Variants in ABCA13 observed in about 807,000 individuals in gnomAD.
The protein encoded by ABCA13 is ATP-binding cassette sub-family A member 13.
ABCA13 carries 476 observed loss-of-function variants against 478.7 expected under a neutral mutation model. The ratio of observed to expected loss-of-function variants is 0.99; its 90% CI spans 0.92 to 1.07. ABCA13 has a LOEUF of 1.07. Among genes scored for constraint, ABCA13 ranks in the 50% least tolerant of loss-of-function variants. ABCA13 has a pLI of 0.00. For missense variants in ABCA13, 6,060 were observed against 5,910.6 expected (o/e 1.03, Z -0.83); for synonymous variants, 2,252 against 2,158.9 (o/e 1.04, Z -1.20).
At position 48,403,853 on chromosome 7, in the gene ABCA13, G is replaced by A. The variant is rs1563195813; in HGVS notation, c.12044G>A (p.Trp4015Ter). 1 of 1,613,264 alleles carries A rather than the reference G, an allele frequency of 6.2e-7. No homozygotes were observed. The change falls in exon 39 of 62, where the codon TGG (tryptophan) becomes TAG (stop). Residue 4015 changes from tryptophan to a stop codon, truncating the protein, a stop_gained. Transcript: ENST00000435803. LOFTEE classifies it high-confidence loss of function. ...GVDPCSRHSL[W>*]DILLKYREGR... is the part of the protein sequence containing the mutation. ...GACCCTTGCTCCCGGCATAGCCTGT[G>A]GGACATTCTGCTCAAGTACCGAGAA...
chr7:48,445,935 G>A (rs1313021520), intron 42 of ABCA13, among the ~76,000 whole-genome samples: 1 of 152,034 alleles, frequency 6.6e-6, no homozygotes, highest in African/African-American at 2.4e-5. Flanking sequence ...TTCTACTCTA[G>A]GGCTTCTGGA....
intron 60 of ABCA13, 52 bp downstream of exon 60, chr7:48,643,445 T>C (rs1795244541): frequency 1.4e-6 from 2 of 1,407,742 alleles, no homozygotes; most frequent in South Asian, 1.2e-5. Flanking sequence ...AAAAAAATAA[T>C]AAATGTACCT....
At chr7:48,577,351 A>G (rs894091528) in intron 55 of ABCA13, among the ~76,000 whole-genome samples, 2 of 152,160 alleles carry the variant, frequency 1.3e-5, no homozygotes, top group African/African-American at 2.4e-5. Flanking sequence ...TAGTGAGATT[A>G]TCCATGAAAA....
At chr7:48,247,281 G>A (rs1457242257) in intron 13 of ABCA13, among the ~76,000 whole-genome samples, 2 of 151,962 alleles carry the variant, frequency 1.3e-5, no homozygotes, top group East Asian at 3.9e-4. Context: ...GTATGTGAAT[G>A]CATGCAGGCA....
intron 29 of ABCA13, among the ~76,000 whole-genome samples, chr7:48,349,655 G>A (rs987518559): frequency 1.3e-5 from 2 of 152,212 alleles, no homozygotes; most frequent in African/African-American, 4.8e-5. Context: ...AGGGAAACCA[G>A]TAGAGGAGGG....
At chr7:48,413,380 T>C (rs1047593347) in intron 41 of ABCA13, among the ~76,000 whole-genome samples, 7 of 152,158 alleles carry the variant, frequency 4.6e-5, no homozygotes, top group African/African-American at 1.7e-4. Context: ...ATGAGACCAC[T>C]CCATGTGGGT....
At chr7:48,574,764 A>G (rs1275688514) in intron 55 of ABCA13, among the ~76,000 whole-genome samples, 1 of 152,116 alleles carries the variant, frequency 6.6e-6, no homozygotes. Context: ...TGTGTGACTA[A>G]TATTTCGAGG....
intron 1 of ABCA13, among the ~76,000 whole-genome samples, chr7:48,190,068 A>G (rs1270249417): frequency 6.6e-6 from 1 of 152,214 alleles, no homozygotes; most frequent in Admixed American, 6.5e-5. Flanking sequence ...TCAGCTTGAC[A>G]AAAAATTAAG....
At chr7:48,405,343 C>G (rs185427837) in intron 39 of ABCA13, among the ~76,000 whole-genome samples, 4 of 152,216 alleles carry the variant, frequency 2.6e-5, no homozygotes, top group African/African-American at 9.6e-5. Context: ...TTGGTTGACA[C>G]CCAGACACCA....
intron 40 of ABCA13, among the ~76,000 whole-genome samples, chr7:48,411,083 C>CTT (rs1350549846): frequency 6.0e-5 from 6 of 99,284 alleles, no homozygotes; most frequent in Admixed American, 1.3e-4. Flanking sequence ...TTCTTTCTTT[C>CTT]TCTCCTTTCC....
At chr7:48,210,079 A>C (rs1396114463) in intron 3 of ABCA13, among the ~76,000 whole-genome samples, 5 of 152,232 alleles carry the variant, frequency 3.3e-5, no homozygotes, top group East Asian at 1.9e-4. Context: ...CTATGAAGAA[A>C]TATCCAAGAC....
chr7:48,433,574 G>A (rs1822434849), intron 42 of ABCA13, among the ~76,000 whole-genome samples: 1 of 151,388 alleles, frequency 6.6e-6, no homozygotes, highest in Non-Finnish European at 1.5e-5. Flanking sequence ...ATACAGCTCA[G>A]TGGCATTACG....
intron 40 of ABCA13, among the ~76,000 whole-genome samples, chr7:48,411,831 G>A (rs1819293164): frequency 6.6e-6 from 1 of 152,180 alleles, no homozygotes; most frequent in African/African-American, 2.4e-5. Context: ...CTTGATGACT[G>A]TATTTGACCC....
chr7:48,598,394 G>A (rs935757786), intron 58 of ABCA13, among the ~76,000 whole-genome samples: 8 of 152,254 alleles, frequency 5.3e-5, no homozygotes, highest in African/African-American at 1.9e-4. Flanking sequence ...TTAAGGATCC[G>A]TGTGCAGTTT....
intron 35 of ABCA13, among the ~76,000 whole-genome samples, chr7:48,386,911 C>T (rs1373221064): frequency 1.3e-5 from 2 of 152,250 alleles, no homozygotes; most frequent in South Asian, 2.1e-4. Context: ...AGCTTCTGCA[C>T]AGCAAAAGAA....
At chr7:48,252,059 C>T (rs1792652487) in intron 15 of ABCA13, among the ~76,000 whole-genome samples, 2 of 152,046 alleles carry the variant, frequency 1.3e-5, no homozygotes, top group Non-Finnish European at 1.5e-5. Flanking sequence ...TTTGTATATC[C>T]ATTTAGTTTT....
At chr7:48,615,173 A>G (rs10046546) in intron 58 of ABCA13, 112 bp from the exon 59 acceptor site, 142,524 of 555,762 alleles carry the variant, frequency 0.26, 20,556 homozygotes, top group Middle Eastern at 0.31. Flanking sequence ...GTGTAAAAAA[A>G]TTAAGTAATT....
intron 58 of ABCA13, among the ~76,000 whole-genome samples, chr7:48,597,781 A>C (rs1232457633): frequency 6.6e-6 from 1 of 152,214 alleles, no homozygotes; most frequent in African/African-American, 2.4e-5. Context: ...CATTTTTTAA[A>C]AATGGCTTGA....
At chr7:48,506,414 G>C in intron 49 of ABCA13, 24 bp downstream of exon 49, 2 of 1,611,538 alleles carry the variant, frequency 1.2e-6, no homozygotes, top group Non-Finnish European at 1.7e-6. Flanking sequence ...ATGCTGAGGG[G>C]TGTGTGACCC....
Sources: gnomAD v4.1 joint callset for allele counts (sites outside exome capture counted in the v4.1 genomes callset) on GRCh38, gnomAD v4.1.1 for gene constraint, MANE v1.5 for transcripts, NCBI Gene and HGNC (gene_info 2026-07-23, HGNC 2026-07-21) for gene names.